PDE1C: variants seen among roughly 807,000 people sequenced by gnomAD.
PDE1C encodes dual specificity calcium/calmodulin-dependent 3',5'-cyclic nucleotide phosphodiesterase 1C.
PDE1C carries 62 observed loss-of-function variants against 93.1 expected under a neutral mutation model. The observed-to-expected ratio is 0.67, with a 90% CI of 0.54 to 0.82. The LOEUF (loss-of-function observed/expected upper bound fraction) is 0.82, where lower values mean the gene tolerates loss of function less well. Ranked by LOEUF, PDE1C falls within the 40% of genes least tolerant of loss-of-function variation. The pLI, the probability that PDE1C is intolerant of heterozygous loss-of-function variation, is 0.00. For synonymous variants in PDE1C, 325 were observed against 310.1 expected, an observed-to-expected ratio of 1.05 and a Z score of -0.50; for missense variants, 742 against 884.6, an observed-to-expected ratio of 0.84 and a Z score of 2.04.
chr7:32,186,919 A>G (rs2128817739), intron 2 of PDE1C, among the ~76,000 whole-genome samples: 1 of 152,238 alleles, frequency 6.6e-6, no homozygotes, highest in Non-Finnish European at 1.5e-5. Flanking sequence ...TCCCTCCTTC[A>G]TCGATAGAAA....
chr7:31,907,842 GT>G (rs1554405225), intron 2 of PDE1C, among the ~76,000 whole-genome samples: 1 of 151,924 alleles, frequency 6.6e-6, no homozygotes, highest in Non-Finnish European at 1.5e-5. Flanking sequence ...TACTTTCAGT[GT>G]TAGAAATTAC....
intron 1 of PDE1C, among the ~76,000 whole-genome samples, chr7:32,317,685 G>C (rs1191254161): frequency 6.6e-6 from 1 of 151,966 alleles, no homozygotes. Context: ...ATATTGACAT[G>C]AACAGTGCAA....
rs183775436 is a variant in PDE1C, at chr7:32,163,909, A to G, written c.308+5876T>C. Among the ~76,000 whole-genome samples, 37 of 152,322 alleles carry G rather than the reference A, an allele frequency of 2.4e-4. No homozygotes were observed. In the East Asian group the frequency reaches 6.9e-3, roughly 29 times the overall value. On this transcript the variant is annotated intron_variant, in intron 3 of 18. Coordinates refer to the PDE1C transcript ENST00000396193. The stretch of plus-strand genomic sequence containing the variant: ...AGGGTTTTAAAAACTGAAGTGAGAA[A>G]GAATTAGAGGCTGTCACCTTCTTTG...
intron 17 of PDE1C, among the ~76,000 whole-genome samples, chr7:31,768,541 TAA>T (rs1447098540): frequency 6.6e-6 from 1 of 152,182 alleles, no homozygotes; most frequent in Non-Finnish European, 1.5e-5. Flanking sequence ...TCCTTTGTGT[TAA>T]AAAGTTACAA....
chr7:32,262,566 A>G (rs1278880573), intron 1 of PDE1C, among the ~76,000 whole-genome samples: 1 of 152,150 alleles, frequency 6.6e-6, no homozygotes, highest in Non-Finnish European at 1.5e-5. Context: ...TGTGTTGACT[A>G]TGGCAGATAC....
intron 1 of PDE1C, among the ~76,000 whole-genome samples, chr7:32,259,113 C>T (rs1051696721): frequency 6.6e-6 from 1 of 152,108 alleles, no homozygotes; most frequent in Non-Finnish European, 1.5e-5. Flanking sequence ...GATTTTTAGG[C>T]ATTTCACGTG....
intron 3 of PDE1C, among the ~76,000 whole-genome samples, chr7:32,127,054 G>C (rs1799625581): frequency 6.6e-6 from 1 of 152,234 alleles, no homozygotes; most frequent in African/African-American, 2.4e-5. Flanking sequence ...TCAGTTGAGG[G>C]CCTGCACAGA....
intron 1 of PDE1C, among the ~76,000 whole-genome samples, chr7:32,383,787 G>C (rs215720): frequency 7.2e-5 from 11 of 152,094 alleles, no homozygotes; most frequent in African/African-American, 2.4e-4. Flanking sequence ...CACTGGAAAG[G>C]GTCCAAGCTT....
chr7:32,417,719 T>A (rs1785304330), intron 1 of PDE1C, among the ~76,000 whole-genome samples: 1 of 151,706 alleles, frequency 6.6e-6, no homozygotes, highest in South Asian at 2.1e-4. Flanking sequence ...AGGAGAGGGT[T>A]ATAAGCAAGC....
At chr7:31,637,902 T>C in the PDE1C span, among the ~76,000 whole-genome samples, 1 of 152,210 alleles carries the variant, frequency 6.6e-6, no homozygotes, top group Non-Finnish European at 1.5e-5. Flanking sequence ...CCATCTTGAA[T>C]TAATTTTTGT....
At chr7:31,638,765 T>C in the PDE1C span, among the ~76,000 whole-genome samples, 2 of 152,138 alleles carry the variant, frequency 1.3e-5, no homozygotes, top group South Asian at 4.1e-4. Flanking sequence ...TAATTTTTCT[T>C]TCTTTTGTTT....
chr7:31,934,556 C>T (rs899021108), intron 2 of PDE1C, among the ~76,000 whole-genome samples: 11 of 79,174 alleles, frequency 1.4e-4, no homozygotes, highest in African/African-American at 4.5e-4. Context: ...TTAGCACCAC[C>T]AATACAAAAA....
At chr7:32,181,395 G>A (rs762497446) in intron 2 of PDE1C, among the ~76,000 whole-genome samples, 6 of 152,150 alleles carry the variant, frequency 3.9e-5, no homozygotes, top group Non-Finnish European at 8.8e-5. Flanking sequence ...CACATAGTTG[G>A]AAGTAAAGCA....
intron 2 of PDE1C, among the ~76,000 whole-genome samples, chr7:32,181,335 C>T (rs556496347): frequency 6.6e-6 from 1 of 152,326 alleles, no homozygotes; most frequent in East Asian, 1.9e-4. Context: ...CCCAAATCAA[C>T]AGAATATACA....
Position 32,222,968 on chromosome 7 carries a change from C to T in PDE1C, c.86-13429G>A, listed in dbSNP as rs180757139. The stretch of plus-strand genomic sequence containing the variant: ...ACTCATAGCCCTTGCATCAGTAAAT[C>T]GTGCGGGCTTCACTTTTAAAATAGA... On this transcript the variant is annotated intron_variant, in intron 1 of 18. Coordinates refer to the PDE1C transcript ENST00000396193. Among the ~76,000 whole-genome samples, 11 of 152,290 alleles carry T rather than the reference C, an allele frequency of 7.2e-5. No homozygotes were observed. The East Asian group carries it at 1.7e-3, about 24-fold the overall frequency.
intron 3 of PDE1C, among the ~76,000 whole-genome samples, chr7:32,163,682 G>A (rs150426140): frequency 6.6e-6 from 1 of 152,198 alleles, no homozygotes; most frequent in East Asian, 1.9e-4. Flanking sequence ...GTTGGGAGTC[G>A]CATGATTCAA....
chr7:32,259,343 A>T (rs1348482628), intron 1 of PDE1C, among the ~76,000 whole-genome samples: 3 of 151,990 alleles, frequency 2.0e-5, no homozygotes, highest in Non-Finnish European at 4.4e-5. Flanking sequence ...CTCTTCTTTA[A>T]TTTCCACTTA....
At position 32,049,608 on chromosome 7, in the gene PDE1C, G is replaced by A. The variant is rs190101985; in HGVS notation, c.128+1946C>T. On this transcript the variant is annotated intron_variant, in intron 2 of 17. Transcript: ENST00000396191. ...ACAGGAATCTCTACTGTGAGATGAC[G>A]CTCATTAGAAAAGGCGAGACTAAAG... Among the ~76,000 whole-genome samples, 416 of 152,186 alleles carry A rather than the reference G, an allele frequency of 2.7e-3. 1 individual carries two copies. Among genetic ancestry groups the A allele is most frequent in the Non-Finnish European group, 4.1e-3 (280 of 68,012 alleles).
At chr7:31,859,156 T>C (rs1479175366) in intron 7 of PDE1C, among the ~76,000 whole-genome samples, 1 of 149,366 alleles carries the variant, frequency 6.7e-6, no homozygotes, top group Non-Finnish European at 1.5e-5. Context: ...TATATGTATA[T>C]TGACTATTGA....
Sources: gnomAD v4.1 joint callset for allele counts (sites outside exome capture counted in the v4.1 genomes callset) on GRCh38, gnomAD v4.1.1 for gene constraint, MANE v1.5 for transcripts, NCBI Gene and HGNC (gene_info 2026-07-23, HGNC 2026-07-21) for gene names.